CPEB3: variants seen among roughly 807,000 people sequenced by gnomAD.
CPEB3 encodes cytoplasmic polyadenylation element binding protein 3.
CPEB3 carries 20 observed loss-of-function variants against 67.2 expected under a neutral mutation model. That is an observed-to-expected ratio of 0.30 (90% confidence interval 0.21 to 0.43). The LOEUF (loss-of-function observed/expected upper bound fraction) is 0.43. CPEB3 is among the 20% of genes least tolerant of loss of function. The pLI is 1.00. For synonymous variants in CPEB3, 376 were observed against 393.1 expected (o/e 0.96, Z 0.51); for missense variants, 746 against 968.6 (o/e 0.77, Z 3.05).
chr10:92,094,351 C>T (rs974782575), intron 7 of CPEB3, among the ~76,000 whole-genome samples: 20 of 151,772 alleles, frequency 1.3e-4, no homozygotes, highest in African/African-American at 4.1e-4. Context: ...GCCTATAATC[C>T]CAGCACTTTG....
chr10:92,264,367 C>T (rs894160844), intron 1 of CPEB3, among the ~76,000 whole-genome samples: 4 of 150,554 alleles, frequency 2.7e-5, no homozygotes, highest in Admixed American at 2.7e-4. Context: ...ATAATTTACC[C>T]AAGGTGACAT....
At chr10:92,270,737 G>T (rs1430727129) in intron 1 of CPEB3, among the ~76,000 whole-genome samples, 1 of 77,538 alleles carries the variant, frequency 1.3e-5, no homozygotes, top group Non-Finnish European at 2.3e-5. Context: ...TAATTTCTGG[G>T]GTGCTTTTTT....
chr10:92,084,118 T>G (rs1157359379), intron 8 of CPEB3, among the ~76,000 whole-genome samples: 1 of 135,304 alleles, frequency 7.4e-6, no homozygotes, highest in East Asian at 2.2e-4. Flanking sequence ...TGAGCCGAGA[T>G]CACGCCACTG....
In CPEB3 at chr10:92,239,868, C is replaced by T. The variant is rs752202508; in HGVS notation, c.483G>A (p.Gln161=). 18 of 1,588,350 alleles carry T rather than the reference C, an allele frequency of 1.1e-5. No individual in the cohort carries two copies. The highest frequency in any genetic ancestry group is 1.5e-5 in the Non-Finnish European group (17 of 1,167,754). The change falls in exon 2 of 10, where the codon CAG becomes CAA. Residue 161 remains glutamine (Q), a synonymous_variant. Transcript: ENST00000265997. The surrounding 1 kb of genome is among the most constrained non-coding windows in gnomAD (Gnocchi z 6.0). ...FSPQIGLAQT[Q]HHQQPPPPAP... is the part of the protein sequence containing the mutation. ...CAGGCGGCGGCGGCTGCTGGTGGTG[C>T]TGGGTCTGCGCCAGGCCGATCTGCG...
At chr10:92,200,886 C>A (rs1261943917) in intron 2 of CPEB3, among the ~76,000 whole-genome samples, 1 of 152,146 alleles carries the variant, frequency 6.6e-6, no homozygotes, top group South Asian at 2.1e-4. Flanking sequence ...CTTAGTATAT[C>A]ATACACAGAG....
chr10:92,147,014 ACCCACC>A (rs1846716208), intron 4 of CPEB3, among the ~76,000 whole-genome samples: 1 of 152,120 alleles, frequency 6.6e-6, no homozygotes, highest in Non-Finnish European at 1.5e-5. Flanking sequence ...GTGTTCCCAA[ACCCACC>A]TCTTACCTTC....
intron 4 of CPEB3, among the ~76,000 whole-genome samples, chr10:92,157,632 A>G (rs932147994): frequency 1.1e-4 from 17 of 152,190 alleles, no homozygotes; most frequent in Admixed American, 9.8e-4. Flanking sequence ...GACTCTGAAT[A>G]TAACAGAAAA....
chr10:92,125,724 C>CT lies in CPEB3; in HGVS notation c.1454-14531dup, dbSNP rs35409082. On this transcript the variant is annotated intron_variant, in intron 6 of 9. Transcript: ENST00000265997. ...ACAGCTACATGCTAAAGGAAACAGA[C>CT]TTTTTTTTTTTTTTAAGACAGGGTC... is the stretch of plus-strand genomic sequence containing the variant. Among the ~76,000 whole-genome samples, 460 of 143,770 alleles carry CT rather than the reference C, an allele frequency of 3.2e-3. 1 individual carries two copies. Among genetic ancestry groups the CT allele is most frequent in the East Asian group, 0.019 (94 of 4,970 alleles). 94.3% of individuals were successfully genotyped at this position (143,770 alleles called of 152,430 possible).
intron 1 of CPEB3, among the ~76,000 whole-genome samples, chr10:92,259,385 T>A (rs899974992): frequency 4.6e-5 from 7 of 151,942 alleles, no homozygotes; most frequent in African/African-American, 1.7e-4. Context: ...GCAGATCACC[T>A]GAGGTCAGGA....
chr10:92,261,938 T>C (rs1852820333), intron 1 of CPEB3, among the ~76,000 whole-genome samples: 1 of 152,222 alleles, frequency 6.6e-6, no homozygotes, highest in Admixed American at 6.5e-5. Flanking sequence ...TTTTCAACTA[T>C]ACTACAAGTC....
At chr10:92,152,089 A>T (rs1277360312) in intron 4 of CPEB3, among the ~76,000 whole-genome samples, 1 of 152,246 alleles carries the variant, frequency 6.6e-6, no homozygotes, top group East Asian at 1.9e-4. Flanking sequence ...GCTAATGTCC[A>T]GCAAGATCAG....
intron 6 of CPEB3, among the ~76,000 whole-genome samples, chr10:92,133,603 C>A (rs1845947726): frequency 6.6e-6 from 1 of 152,180 alleles, no homozygotes; most frequent in African/African-American, 2.4e-5. Context: ...AGAGCTGGTA[C>A]CATTCCTTCT....
chr10:92,070,587 G>T (rs1424868967), intron 9 of CPEB3, among the ~76,000 whole-genome samples: 1 of 151,980 alleles, frequency 6.6e-6, no homozygotes, highest in Non-Finnish European at 1.5e-5. Flanking sequence ...GGACAGCCTG[G>T]TCAACATGGA....
chr10:92,235,444 C>CAA (rs879611685), intron 2 of CPEB3, among the ~76,000 whole-genome samples: 21 of 134,698 alleles, frequency 1.6e-4, no homozygotes, highest in African/African-American at 5.7e-4. Flanking sequence ...GACATTGTCT[C>CAA]AAAAAAAAAA....
intron 6 of CPEB3, among the ~76,000 whole-genome samples, chr10:92,118,427 C>A (rs925231828): frequency 1.3e-5 from 2 of 152,124 alleles, no homozygotes; most frequent in Non-Finnish European, 2.9e-5. Context: ...CCACCGTGCC[C>A]GGCCTGACAT....
intron 9 of CPEB3, among the ~76,000 whole-genome samples, chr10:92,073,500 G>A (rs997591677): frequency 1.3e-5 from 2 of 152,012 alleles, no homozygotes; most frequent in African/African-American, 4.8e-5. Context: ...GTTCAGTGGT[G>A]CAGTCATAGC....
In CPEB3 at chr10:92,203,526, A is replaced by ATT. The variant is rs769880118; in HGVS notation, c.1006-10891_1006-10890insAA. 2.2e-3 allele frequency among the ~76,000 whole-genome samples: 242 copies of ATT among 108,990 alleles called. 2 individuals carry two copies. The highest frequency in any genetic ancestry group is 8.1e-3 in the Middle Eastern group (2 of 246). The allele number at this position is 108,990 out of a possible 152,430, so 71.5% of individuals were successfully genotyped here. A position where few individuals can be genotyped will look rare whatever the true frequency, so the allele number is the denominator to read the frequency against. ...TGTGTGTGTATATATATATATATAT[A>ATT]TATTTTTTTTTTAGAGGTGTAGCTG... On this transcript the variant is annotated intron_variant, in intron 2 of 9. Coordinates refer to ENST00000265997, the MANE Select transcript of CPEB3 (RefSeq NM_014912.5).
At chr10:92,173,841 A>G (rs1444055684) in intron 4 of CPEB3, among the ~76,000 whole-genome samples, 2 of 152,126 alleles carry the variant, frequency 1.3e-5, no homozygotes, top group African/African-American at 4.8e-5. Flanking sequence ...TATTCTTCTA[A>G]TTTTTTCATT....
rs139767562 is a variant in CPEB3 at position 92,154,889 on chromosome 10, T to C, written c.1223-9804A>G. On this transcript the variant is annotated intron_variant, in intron 4 of 9. Coordinates refer to ENST00000265997, the MANE Select transcript of CPEB3 (RefSeq NM_014912.5). The stretch of plus-strand genomic sequence containing the variant: ...TGACAGAACTAAAAACTTTCACATA[T>C]ATTACATTCCCTTTATTTCTGTTCC... 5.3e-5 allele frequency among the ~76,000 whole-genome samples: 8 copies of C among 152,318 alleles called. 1 individual carries two copies. Among genetic ancestry groups the C allele is most frequent in the Middle Eastern group, 3.4e-3 (1 of 294 alleles).
Sources: gnomAD v4.1 joint callset for allele counts (sites outside exome capture counted in the v4.1 genomes callset) on GRCh38, gnomAD v4.1.1 for gene constraint, Gnocchi (gnomAD v3.1) non-coding constraint, MANE v1.5 for transcripts, NCBI Gene and HGNC (gene_info 2026-07-23, HGNC 2026-07-21) for gene names.